ZNF609: variants seen among roughly 807,000 people sequenced by gnomAD.
ZNF609 encodes zinc finger protein 609.
ZNF609 carries 11 observed loss-of-function variants against 109.5 expected under a neutral mutation model. The ratio of observed to expected loss-of-function variants is 0.10; its 90% CI spans 0.06 to 0.17. ZNF609 has a LOEUF of 0.17. ZNF609 is among the 10% of genes least tolerant of loss of function. The pLI is 1.00. For synonymous variants in ZNF609, 646 were observed against 662.0 expected, an observed-to-expected ratio of 0.98 and a Z score of 0.37; for missense variants, 1,559 against 1,772.4, an observed-to-expected ratio of 0.88 and a Z score of 2.16.
chr15:64,583,090 G>A (rs1219320222), intron 2 of ZNF609, among the ~76,000 whole-genome samples: 1 of 151,274 alleles, frequency 6.6e-6, no homozygotes, highest in African/African-American at 2.4e-5. Context: ...CTTGAGTGCA[G>A]TGGTGCGATC....
At chr15:64,521,450 G>A (rs571978331) in intron 2 of ZNF609, among the ~76,000 whole-genome samples, 34 of 152,030 alleles carry the variant, frequency 2.2e-4, no homozygotes, top group South Asian at 1.5e-3. Context: ...TTCCCTGAGA[G>A]GAGGATTTTT....
At chr15:64,497,653 A>G (rs892395650) in intron 1 of ZNF609, among the ~76,000 whole-genome samples, 3 of 151,988 alleles carry the variant, frequency 2.0e-5, no homozygotes, top group African/African-American at 7.3e-5. Context: ...TGTAATCCCA[A>G]CACTTTGGGA....
intron 2 of ZNF609, among the ~76,000 whole-genome samples, chr15:64,586,274 C>T (rs111830177): frequency 0.048 from 7,264 of 150,440 alleles, 230 homozygotes; most frequent in South Asian, 0.086. Context: ...TGCGGTGAGC[C>T]GAGATCGCGC....
At chr15:64,576,554 C>G (rs1894956040) in intron 2 of ZNF609, among the ~76,000 whole-genome samples, 1 of 151,778 alleles carries the variant, frequency 6.6e-6, no homozygotes, top group African/African-American at 2.4e-5. Context: ...ATGCCCTATT[C>G]TAGAAAGCTA....
At chr15:64,650,657 A>G (rs960787930) in intron 3 of ZNF609, among the ~76,000 whole-genome samples, 1 of 152,000 alleles carries the variant, frequency 6.6e-6, no homozygotes, top group East Asian at 1.9e-4. Context: ...GAGGTCCTCT[A>G]CTTAGATCCA....
At chr15:64,518,778 G>C (rs1893850419) in intron 2 of ZNF609, among the ~76,000 whole-genome samples, 1 of 152,112 alleles carries the variant, frequency 6.6e-6, no homozygotes, top group African/African-American at 2.4e-5. Flanking sequence ...TGAAGAAGAA[G>C]TCGAGAGTCA....
chr15:64,676,823 A>G (rs1166566343), intron 5 of ZNF609, among the ~76,000 whole-genome samples: 4 of 148,054 alleles, frequency 2.7e-5, no homozygotes, highest in African/African-American at 1.0e-4. Flanking sequence ...GCGCAATCTC[A>G]GCTCACTGCA....
At position 64,564,647 on chromosome 15, in the gene ZNF609, A is replaced by G. The variant is rs149278019; in HGVS notation, c.748-58180A>G. On this transcript the variant is annotated intron_variant, in intron 2 of 9. Transcript: ENST00000326648. ...TGTCATATTCACAAGGGAAACCAGA[A>G]TCTGTATGTTCCTCTGGAAAATTAG... 4.3e-3 allele frequency among the ~76,000 whole-genome samples: 653 copies of G among 151,966 alleles called. 6 individuals are homozygous for G. Among genetic ancestry groups the G allele is most frequent in the African/African-American group, 0.015 (624 of 41,446 alleles).
At position 64,500,045 on chromosome 15, in the gene ZNF609, T is replaced by C. The variant is rs780686637; in HGVS notation, c.626T>C (p.Val209Ala). 1.2e-6 allele frequency: 2 copies of C among 1,614,170 alleles called. No homozygotes were observed. The highest frequency in any genetic ancestry group is 1.7e-6 in the Non-Finnish European group (2 of 1,180,028). ...DGSAGVDTGA[V>A]EPLGSIAIEP... ...AGTGCAGGGGTGGATACAGGAGCTG[T>C]GGAGCCACTTGGGAGTATAGCTATT... Residue 209 changes from valine to alanine, a missense_variant, in exon 2 of 10, where the codon GTG (valine) becomes GCG (alanine). Physicochemically the swap from Val to Ala is moderately conservative, Grantham distance 64 (BLOSUM62 0). Coordinates refer to ENST00000326648, the MANE Select transcript of ZNF609 (RefSeq NM_015042.2).
chr15:64,667,589 G>A (rs115000187), intron 3 of ZNF609, among the ~76,000 whole-genome samples: 193 of 152,014 alleles, frequency 1.3e-3, no homozygotes, highest in African/African-American at 4.4e-3. Flanking sequence ...GGCACCTGCC[G>A]TAATCCCAGC....
intron 1 of ZNF609, among the ~76,000 whole-genome samples, chr15:64,495,244 G>A (rs1017466189): frequency 2.6e-5 from 4 of 152,124 alleles, no homozygotes; most frequent in African/African-American, 9.7e-5. Context: ...TCAAAGTACT[G>A]GTTTTCCCTC....
chr15:64,538,610 G>C (rs1465156560), intron 2 of ZNF609, among the ~76,000 whole-genome samples: 1 of 152,144 alleles, frequency 6.6e-6, no homozygotes, highest in Non-Finnish European at 1.5e-5. Flanking sequence ...GCAGTGGGGC[G>C]ATCTTGGCTC....
chr15:64,606,920 G>C (rs1401136405), intron 2 of ZNF609, among the ~76,000 whole-genome samples: 1 of 152,014 alleles, frequency 6.6e-6, no homozygotes, highest in East Asian at 1.9e-4. Flanking sequence ...GAGGCTGGCG[G>C]ATCACCCTGA....
intron 3 of ZNF609, among the ~76,000 whole-genome samples, chr15:64,640,397 CT>C (rs113778164): frequency 2.4e-3 from 341 of 143,720 alleles, no homozygotes; most frequent in African/African-American, 3.2e-3. Context: ...CTTGTGCTTT[CT>C]TTTTTTTTTT....
intron 2 of ZNF609, among the ~76,000 whole-genome samples, chr15:64,586,137 C>A (rs991183581): frequency 2.0e-5 from 3 of 152,006 alleles, no homozygotes; most frequent in Non-Finnish European, 4.4e-5. Flanking sequence ...CCAGCCTAAC[C>A]AACATGGAGA....
intron 1 of ZNF609, among the ~76,000 whole-genome samples, chr15:64,478,196 G>GTGTGTC (rs1415763156): frequency 7.0e-6 from 1 of 143,532 alleles, no homozygotes; most frequent in Non-Finnish European, 1.5e-5. Flanking sequence ...GTGTGTGTGT[G>GTGTGTC]TCTGTTTAAA....
chr15:64,564,871 G>A (rs1426210113), intron 2 of ZNF609, among the ~76,000 whole-genome samples: 1 of 149,338 alleles, frequency 6.7e-6, no homozygotes, highest in Non-Finnish European at 1.5e-5. Context: ...TTTTAGAAAC[G>A]GAGTCTCGCT....
intron 2 of ZNF609, among the ~76,000 whole-genome samples, chr15:64,522,363 G>A (rs921506657): frequency 2.0e-5 from 3 of 152,166 alleles, no homozygotes; most frequent in African/African-American, 7.2e-5. Flanking sequence ...ATTGGTTCAG[G>A]ACTGGCTTGG....
At chr15:64,535,929 A>C (rs1248002995) in intron 2 of ZNF609, among the ~76,000 whole-genome samples, 1 of 151,682 alleles carries the variant, frequency 6.6e-6, no homozygotes, top group East Asian at 1.9e-4. Context: ...TCTTCAGTGA[A>C]TCATCTGGAT....
Sources: allele counts gnomAD v4.1 joint callset (sites outside exome capture counted in the v4.1 genomes callset), GRCh38; gene constraint gnomAD v4.1.1; transcripts MANE v1.5; gene names NCBI Gene and HGNC (gene_info 2026-07-23, HGNC 2026-07-21).